The following PRKDC variants were observed in gnomAD, a reference collection of about 807,000 sequenced individuals.
PRKDC encodes DNA-dependent protein kinase catalytic subunit.
A neutral mutation model predicts 486.9 loss-of-function variants in PRKDC; 82 were observed. The observed-to-expected ratio is 0.17, with a 90% CI of 0.14 to 0.20. The LOEUF is 0.20. Ranked by LOEUF, PRKDC falls within the 10% of genes least tolerant of loss-of-function variation. PRKDC has a pLI of 1.00. For missense variants in PRKDC, 4,504 were observed against 5,038.2 expected (o/e 0.89, Z 3.21); for synonymous variants, 1,895 against 1,837.0 (o/e 1.03, Z -0.81).
chr8:47,877,687 C>T lies in PRKDC; in HGVS notation c.5363+37G>A, dbSNP rs780532649. 9 of 1,513,408 alleles carry T rather than the reference C, an allele frequency of 5.9e-6. No individual in the cohort carries two copies. The African/African-American group carries it at 7.0e-5, about 12-fold the overall frequency. 93.7% of individuals were successfully genotyped at this position (1,513,408 alleles called of 1,614,324 possible). A position where few individuals can be genotyped will look rare whatever the true frequency, so the allele number is the denominator to read the frequency against. On this transcript the variant is annotated intron_variant, in intron 40 of 85. Coordinates refer to ENST00000314191, the MANE Select transcript of PRKDC (RefSeq NM_006904.7). Reference sequence around the variant, plus strand: ...GATAATTTCCCACAAAACTGAAATGCGTATGGTTCCTGAGATCCCAGGCCA... The same window carrying T: ...GATAATTTCCCACAAAACTGAAATGTGTATGGTTCCTGAGATCCCAGGCCA...
intron 24 of PRKDC, among the ~76,000 whole-genome samples, chr8:47,913,489 C>T (rs953603148): frequency 2.0e-5 from 3 of 152,152 alleles, no homozygotes; most frequent in African/African-American, 4.8e-5. Context: ...CACTGCCTCC[C>T]AGGTTCAAAC....
intron 31 of PRKDC, among the ~76,000 whole-genome samples, chr8:47,891,665 A>G (rs1589770300): frequency 6.6e-6 from 1 of 152,186 alleles, no homozygotes; most frequent in Middle Eastern, 3.4e-3. Flanking sequence ...GCTTGCAGTG[A>G]GCCAAGATCG....
At chr8:47,831,223 G>T (rs1006814059) in intron 60 of PRKDC, among the ~76,000 whole-genome samples, 1 of 152,228 alleles carries the variant, frequency 6.6e-6, no homozygotes, top group African/African-American at 2.4e-5. Context: ...CAGGGCTTGG[G>T]GAGGGGGCCG....
At chr8:47,946,399 A>T (rs2154504290) in intron 7 of PRKDC, among the ~76,000 whole-genome samples, 1 of 152,184 alleles carries the variant, frequency 6.6e-6, no homozygotes, top group Admixed American at 6.5e-5. Context: ...AGATTTGTCT[A>T]GCATGTTTTC....
intron 69 of PRKDC, 144 bp from the exon 70 acceptor site, chr8:47,803,624 A>C (rs1015637403): frequency 3.9e-5 from 29 of 736,856 alleles, no homozygotes; most frequent in African/African-American, 1.8e-5. Flanking sequence ...TATGTCTCTA[A>C]ATTTATCACT....
intron 55 of PRKDC, 75 bp from the exon 56 acceptor site, chr8:47,839,321 A>G: frequency 1.0e-6 from 1 of 998,698 alleles, no homozygotes; most frequent in Non-Finnish European, 1.5e-6. Flanking sequence ...CAGTAACACC[A>G]TCTAGAATTC....
chr8:47,895,672 C>T (rs115551566), intron 30 of PRKDC, among the ~76,000 whole-genome samples: 65 of 152,188 alleles, frequency 4.3e-4, no homozygotes, highest in African/African-American at 1.5e-3. Flanking sequence ...TCTTCAATGA[C>T]TAATTTCACA....
chr8:47,933,508 T>C, intron 15 of PRKDC, among the ~76,000 whole-genome samples: 1 of 152,242 alleles, frequency 6.6e-6, no homozygotes, highest in South Asian at 2.1e-4. Flanking sequence ...CAAATATGTG[T>C]AATATGCATA....
intron 63 of PRKDC, among the ~76,000 whole-genome samples, chr8:47,824,364 C>T (rs1406214245): frequency 6.7e-6 from 1 of 148,296 alleles, no homozygotes; most frequent in African/African-American, 2.5e-5. Context: ...GTCCCAGCTA[C>T]TTGGGAGGCT....
At chr8:47,839,018 G>A (rs1489546821) in intron 56 of PRKDC, 130 bp downstream of exon 56, 2 of 678,856 alleles carry the variant, frequency 2.9e-6, no homozygotes, top group Non-Finnish European at 2.5e-6. Context: ...ACTAAATATT[G>A]TGAAATGCAG....
At chr8:47,803,575 TC>T in intron 69 of PRKDC, 95 bp from the exon 70 acceptor site, 2 of 1,124,532 alleles carry the variant, frequency 1.8e-6, no homozygotes, top group Non-Finnish European at 2.7e-6. Flanking sequence ...CACGACACAA[TC>T]CACCTTAGAG....
chr8:47,873,253 T>C (rs974733261), intron 40 of PRKDC, among the ~76,000 whole-genome samples: 11 of 98,622 alleles, frequency 1.1e-4, no homozygotes, highest in African/African-American at 4.1e-4. Context: ...AAAAAAAAAA[T>C]AGGCCAAGCG....
At position 47,782,157 on chromosome 8, in the gene PRKDC, C is replaced by G; in HGVS notation, c.11489+5G>C. Reference sequence around the variant, plus strand: ...TGGGGGAGCAGGGCGTGTGGCCGCCCTTACCTCAGGTAAGCCGCCTTCTCC... The same window carrying G: ...TGGGGGAGCAGGGCGTGTGGCCGCCGTTACCTCAGGTAAGCCGCCTTCTCC... On this transcript the variant is annotated splice_donor_5th_base_variant and intron_variant, in intron 80 of 85. Transcript: ENST00000314191. This position sits in a 1 kb window ranked among gnomAD's most constrained non-coding sequence, Gnocchi z 4.9. The G allele has an allele frequency of 6.2e-7, 1 of 1,613,020 alleles. No homozygotes were observed. The highest frequency in any genetic ancestry group is 8.5e-7 in the Non-Finnish European group (1 of 1,178,980).
intron 69 of PRKDC, among the ~76,000 whole-genome samples, chr8:47,805,644 T>C (rs925114048): frequency 6.6e-6 from 1 of 152,224 alleles, no homozygotes; most frequent in Non-Finnish European, 1.5e-5. Context: ...CTGAATACAA[T>C]TGACCCATTT....
At chr8:47,938,574 A>C (rs1051959815) in intron 11 of PRKDC, among the ~76,000 whole-genome samples, 10 of 152,098 alleles carry the variant, frequency 6.6e-5, no homozygotes, top group Non-Finnish European at 1.0e-4. Context: ...CTTTAAAAAA[A>C]AATTTTTAAG....
chr8:47,945,043 G>GTTTTCCCC (rs1310510301), intron 7 of PRKDC, among the ~76,000 whole-genome samples: 10 of 152,180 alleles, frequency 6.6e-5, no homozygotes, highest in African/African-American at 2.2e-4. Flanking sequence ...ACTAGTTGGG[G>GTTTTCCCC]AAAAGGTCAT....
In PRKDC at chr8:47,858,925, C is replaced by G. The variant is rs371328148; in HGVS notation, c.6269G>C (p.Arg2090Pro). The G allele has an allele frequency of 4.3e-6, 7 of 1,613,666 alleles. No individual in the cohort carries two copies. Among genetic ancestry groups the G allele is most frequent in the Non-Finnish European group, 5.1e-6 (6 of 1,179,868 alleles). ...CGTCAGGGGCGCCATGCACTCATGC[C>G]GATTGAGCTCGTCCATCTCCAGCTC... ...VLELEMDELN[R>P]HECMAPLTAL... Residue 2090 changes from arginine (R) to proline (P), a missense_variant, in exon 47 of 86, where the codon CGG becomes CCG. Physicochemically the swap from Arg to Pro is moderately radical, Grantham distance 103 (BLOSUM62 -2). Around this residue, in one of 6 missense-constraint regions of PRKDC, gnomAD observed 1,592 missense variants for 1,724.6 expected, o/e 0.92. Coordinates refer to ENST00000314191, the MANE Select transcript of PRKDC (RefSeq NM_006904.7).
intron 7 of PRKDC, among the ~76,000 whole-genome samples, chr8:47,944,502 A>AG (rs1491430098): frequency 6.7e-6 from 1 of 149,826 alleles, no homozygotes. Flanking sequence ...AAAAAAAAAC[A>AG]GAAAAAAAAA....
chr8:47,795,622 T>C (rs1290165076), intron 73 of PRKDC, among the ~76,000 whole-genome samples: 1 of 151,264 alleles, frequency 6.6e-6, no homozygotes, highest in African/African-American at 2.4e-5. Flanking sequence ...GCCTTCCGAG[T>C]AGCTGGGATT....
Sources: gnomAD v4.1 joint callset for allele counts (sites outside exome capture counted in the v4.1 genomes callset) on GRCh38, gnomAD v4.1.1 for gene constraint, gnomAD v4.1.1 regional missense constraint, Gnocchi (gnomAD v3.1) non-coding constraint, MANE v1.5 for transcripts, NCBI Gene and HGNC (gene_info 2026-07-23, HGNC 2026-07-21) for gene names.